The following ELF1 variants were observed in gnomAD, a reference collection of about 807,000 sequenced individuals.
ELF1 encodes the protein E74 like ETS transcription factor 1, also known as ETS-related transcription factor Elf-1.
Under a neutral mutation model 59.9 loss-of-function variants are expected in ELF1, and 24 were observed. That is an observed-to-expected ratio of 0.40 (90% confidence interval 0.29 to 0.56). The LOEUF is 0.56. ELF1 is among the 20% of genes least tolerant of loss of function. The pLI, the probability that ELF1 is intolerant of heterozygous loss-of-function variation, is 0.44. For synonymous variants in ELF1, 248 were observed against 266.2 expected (o/e 0.93, Z 0.67); for missense variants, 627 against 742.2 (o/e 0.84, Z 1.80).
rs750270245 is a variant in ELF1 at position 40,943,136 on chromosome 13, T to C, written c.622A>G (p.Ile208Val). 1.7e-5 allele frequency: 25 copies of C among 1,502,226 alleles called. No individual in the cohort carries two copies. Among genetic ancestry groups the C allele is most frequent in the Non-Finnish European group, 1.8e-5 (20 of 1,117,626 alleles). 93.1% of individuals were successfully genotyped at this position (1,502,226 alleles called of 1,614,324 possible). ...KKNKDGKGNT[I>V]YLWEFLLALL... ...GCCAGTAAAAACTCCCAAAGATAAA[T>C]TGTGTTTCCTGAAACAAAAACAATT... is the stretch of plus-strand genomic sequence containing the variant. The change falls in exon 7 of 9, where the codon ATT (isoleucine) becomes GTT (valine). Residue 208 changes from isoleucine to valine, a missense_variant. Ile to Val is a conservative substitution (Grantham distance 29, BLOSUM62 3). Around this residue, in one of 3 missense-constraint regions of ELF1, gnomAD observed 232 missense variants for 269.2 expected, o/e 0.86. Transcript: ENST00000239882.
intron 1 of ELF1, among the ~76,000 whole-genome samples, chr13:41,039,304 C>A (rs1876512312): frequency 1.8e-5 from 2 of 111,186 alleles, no homozygotes; most frequent in African/African-American, 6.9e-5. Flanking sequence ...TAGGAACAAA[C>A]TAGGGAAAAA....
At chr13:41,033,014 C>T (rs1376027858) in intron 1 of ELF1, among the ~76,000 whole-genome samples, 2 of 152,072 alleles carry the variant, frequency 1.3e-5, no homozygotes, top group African/African-American at 4.8e-5. Flanking sequence ...CTCTTAGCCC[C>T]CAAAATGATT....
chr13:40,937,365 C>A (rs1207076386), intron 8 of ELF1, among the ~76,000 whole-genome samples: 1 of 152,136 alleles, frequency 6.6e-6, no homozygotes, highest in East Asian at 1.9e-4. Flanking sequence ...ATTGTCACAG[C>A]CAAGTGGAAG....
intron 3 of ELF1, among the ~76,000 whole-genome samples, chr13:40,954,541 C>T (rs889360249): frequency 6.6e-6 from 1 of 151,708 alleles, no homozygotes; most frequent in Admixed American, 6.6e-5. Context: ...TCACTGCAAC[C>T]TCCCTGCCTG....
chr13:40,967,562 A>T (rs1486055992), intron 2 of ELF1, among the ~76,000 whole-genome samples: 3 of 152,154 alleles, frequency 2.0e-5, no homozygotes, highest in Non-Finnish European at 2.9e-5. Flanking sequence ...TCAAAAACTG[A>T]CTTACTACAA....
chr13:40,975,895 G>A (rs1300804159), intron 2 of ELF1, among the ~76,000 whole-genome samples: 1 of 152,094 alleles, frequency 6.6e-6, no homozygotes, highest in Admixed American at 6.5e-5. Context: ...GATATTAAAG[G>A]CTTTGGTAAT....
chr13:40,946,446 C>T (rs1193028592), intron 5 of ELF1, among the ~76,000 whole-genome samples: 1 of 152,164 alleles, frequency 6.6e-6, no homozygotes, highest in Non-Finnish European at 1.5e-5. Flanking sequence ...CATCTGTTTC[C>T]TGTCATTATA....
At chr13:40,982,834 TA>T (rs1209284449) in intron 1 of ELF1, 1 of 982,836 alleles carries the variant, frequency 1.0e-6, no homozygotes, top group Non-Finnish European at 1.2e-6. Flanking sequence ...AGGCTTCTGA[TA>T]AGTAAAATGT....
intron 1 of ELF1, among the ~76,000 whole-genome samples, chr13:41,049,871 T>G (rs1231096446): frequency 6.6e-6 from 1 of 152,256 alleles, no homozygotes; most frequent in African/African-American, 2.4e-5. Context: ...CATGAGGATC[T>G]TGTCAGCTTT....
At chr13:41,009,984 T>C (rs1009016218) in intron 1 of ELF1, among the ~76,000 whole-genome samples, 10 of 151,778 alleles carry the variant, frequency 6.6e-5, no homozygotes, top group Non-Finnish European at 1.2e-4. Flanking sequence ...ATATATGTTT[T>C]TTACTTACAG....
chr13:40,945,844 T>C (rs779565531), intron 5 of ELF1, among the ~76,000 whole-genome samples: 1 of 152,188 alleles, frequency 6.6e-6, no homozygotes, highest in African/African-American at 2.4e-5. Flanking sequence ...TTCAATTTCA[T>C]TTCATTTTTT....
At chr13:41,060,079 A>G (rs1336863197) in intron 1 of ELF1, among the ~76,000 whole-genome samples, 1 of 152,148 alleles carries the variant, frequency 6.6e-6, no homozygotes, top group African/African-American at 2.4e-5. Context: ...CCTTAAGTCA[A>G]GTTGGGAAGA....
chr13:41,030,632 T>C (rs1432245758), intron 1 of ELF1, among the ~76,000 whole-genome samples: 1 of 152,006 alleles, frequency 6.6e-6, no homozygotes, highest in Non-Finnish European at 1.5e-5. Context: ...GTGCCTGTGG[T>C]CCCAGCTACT....
intron 2 of ELF1, among the ~76,000 whole-genome samples, chr13:40,977,503 G>C (rs1269714503): frequency 2.0e-5 from 3 of 151,948 alleles, no homozygotes; most frequent in African/African-American, 7.3e-5. Flanking sequence ...ACTGAATAAG[G>C]GAAGATGATC....
intron 1 of ELF1, among the ~76,000 whole-genome samples, chr13:41,031,602 G>A (rs996876451): frequency 6.6e-6 from 1 of 151,904 alleles, no homozygotes; most frequent in Non-Finnish European, 1.5e-5. Flanking sequence ...GGTGGATCAC[G>A]AGGTTGGGAG....
At chr13:40,937,424 T>C (rs1869854077) in intron 8 of ELF1, among the ~76,000 whole-genome samples, 1 of 152,206 alleles carries the variant, frequency 6.6e-6, no homozygotes, top group African/African-American at 2.4e-5. Flanking sequence ...AGACTCAAAA[T>C]AATTAACGTG....
chr13:41,023,838 T>C (rs117193857), upstream of ELF1, among the ~76,000 whole-genome samples: 419 of 152,288 alleles, frequency 2.8e-3, 7 homozygotes, highest in East Asian at 0.049. Context: ...TCAGCAGAAA[T>C]TCAGAGACAT....
chr13:40,983,682 G>T (rs1433006283), intron 1 of ELF1, among the ~76,000 whole-genome samples: 1 of 145,690 alleles, frequency 6.9e-6, no homozygotes, highest in Non-Finnish European at 1.5e-5. Context: ...ACCATATCTA[G>T]AAGAGGGAAA....
At chr13:40,962,328 G>T (rs1041940966) in intron 2 of ELF1, among the ~76,000 whole-genome samples, 2 of 151,966 alleles carry the variant, frequency 1.3e-5, no homozygotes, top group African/African-American at 4.8e-5. Context: ...AGAAAAAAAC[G>T]TTTCCTTTGA....
Sources: gnomAD v4.1 joint callset for allele counts (sites outside exome capture counted in the v4.1 genomes callset) on GRCh38, gnomAD v4.1.1 for gene constraint, gnomAD v4.1.1 regional missense constraint, MANE v1.5 for transcripts, NCBI Gene and HGNC (gene_info 2026-07-23, HGNC 2026-07-21) for gene names.